Variants in MPEG1 observed in about 807,000 individuals in gnomAD.
MPEG1 encodes the protein macrophage-expressed gene 1 protein.
For synonymous variants in MPEG1, 365 were observed against 351.9 expected (o/e 1.04, Z -0.42); for missense variants, 876 against 880.3 (o/e 1.00, Z 0.06).
rs780717392 is a variant in MPEG1, at chr11:59,211,616, G to A, written c.1250C>T (p.Ser417Phe). Residue 417 changes from serine (S) to phenylalanine (F), a missense_variant, in exon 1 of 1, where the codon TCC (serine) becomes TTC (phenylalanine). Coordinates refer to ENST00000361050, the MANE Select transcript of MPEG1 (RefSeq NM_001039396.2). ...GATCTGGGATAACAGGTGCACCGGG[G>A]AGTAGCCAGAGGGGCAGGAGAAATC... is the stretch of plus-strand genomic sequence containing the variant. ...TGDFSCPSGY[S>F]PVHLLSQIHE... 1 of 1,614,186 alleles carries A rather than the reference G, an allele frequency of 6.2e-7. No homozygotes were observed. The highest frequency in any genetic ancestry group is 1.1e-5 in the South Asian group (1 of 91,084).
In MPEG1 at chr11:59,208,751, C is replaced by T. The variant is rs192721848; in HGVS notation, c.*1964G>A. The T allele has an allele frequency of 5.3e-5, 8 of 152,274 alleles. No homozygotes were observed. The highest frequency in any genetic ancestry group is 2.0e-4 in the Admixed American group (3 of 15,304). 9.4% of individuals were successfully genotyped at this position (152,274 alleles called of 1,614,324 possible). A position where few individuals can be genotyped will look rare whatever the true frequency, so the allele number is the denominator to read the frequency against. ...AGCTCTTCCATCAGGGATCTGACTC[C>T]GCAAAACGACTTGATGAATGCAATT... is the stretch of plus-strand genomic sequence containing the variant. On this transcript the variant is annotated 3_prime_UTR_variant, in exon 1 of 1. Coordinates refer to ENST00000361050, the MANE Select transcript of MPEG1 (RefSeq NM_001039396.2).
Position 59,212,743 on chromosome 11 carries a change from A to C in MPEG1, c.123T>G (p.Pro41=). 6.2e-7 allele frequency: 1 copy of C among 1,614,236 alleles called. No individual in the cohort carries two copies. The highest frequency in any genetic ancestry group is 1.3e-5 in the African/African-American group (1 of 75,054). Residue 41 remains proline (P), a synonymous_variant, in exon 1 of 1, where the codon CCT becomes CCG. Transcript: ENST00000361050. ...VQKCKNALKL[P]VLEVLPGGGW... The stretch of plus-strand genomic sequence containing the variant: ...CCCCTCCAGGTAGGACTTCCAGGAC[A>C]GGTAGTTTCAAGGCATTCTTGCATT...
chr11:59,212,421 G>A lies in MPEG1; in HGVS notation c.445C>T (p.Arg149Ter), dbSNP rs199971720. 4.0e-5 allele frequency: 65 copies of A among 1,605,674 alleles called. No individual in the cohort carries two copies. The East Asian group carries it at 1.0e-3, about 25-fold the overall frequency. The change falls in exon 1 of 1, where the codon CGA becomes TGA. Residue 149 changes from arginine to a stop codon, truncating the protein, a stop_gained. Transcript: ENST00000361050. LOFTEE classifies it low-confidence loss of function (END_TRUNC). Reference protein sequence around the residue: ...LQVKDQAITTRVQVRNLVYTV... With the variant: ...LQVKDQAITT ...TAGACGAGGTTTCTTACCTGAACTC[G>A]GGTAGTTATAGCTTGGTCCTTCACT...
chr11:59,209,906 A>T lies in MPEG1; in HGVS notation c.*809T>A, dbSNP rs1222319720. ...TGTGTGTGTGTGTTCATATAACAGG[A>T]GGACAGGAAAGGTAATGACCATCCA... On this transcript the variant is annotated 3_prime_UTR_variant, in exon 1 of 1. Coordinates refer to ENST00000361050, the MANE Select transcript of MPEG1 (RefSeq NM_001039396.2). 6.7e-6 allele frequency: 1 copy of T among 150,110 alleles called. No individual in the cohort carries two copies. The highest frequency in any genetic ancestry group is 1.5e-5 in the Non-Finnish European group (1 of 67,730). The allele number at this position is 150,110 out of a possible 1,614,324, so 9.3% of individuals were successfully genotyped here.
Position 59,212,750 on chromosome 11 carries a change from T to G in MPEG1, c.116A>C (p.Lys39Thr). 1.9e-6 allele frequency: 3 copies of G among 1,614,202 alleles called. No homozygotes were observed. Among genetic ancestry groups the G allele is most frequent in the Non-Finnish European group, 2.5e-6 (3 of 1,180,040 alleles). Residue 39 changes from lysine (K) to threonine (T), a missense_variant, in exon 1 of 1, where the codon AAA (lysine) becomes ACA (threonine). Transcript: ENST00000361050. The part of the protein sequence containing the change: ...VGVQKCKNAL[K>T]LPVLEVLPGG... ...AGGTAGGACTTCCAGGACAGGTAGT[T>G]TCAAGGCATTCTTGCATTTTTGAAC... is the stretch of plus-strand genomic sequence containing the variant.
Position 59,212,914 on chromosome 11 carries a change from GC to G in MPEG1, c.-50del. ...ACCAGCCCTACACAGCGGCCAGCAA[GC>G]TTTGGGCAAACTAAGATGGAGAAAA... On this transcript the variant is annotated 5_prime_UTR_variant, in exon 1 of 1. Transcript: ENST00000361050. 1 of 1,507,518 alleles carries G rather than the reference GC, an allele frequency of 6.6e-7. No homozygotes were observed. Among genetic ancestry groups the G allele is most frequent in the Non-Finnish European group, 9.1e-7 (1 of 1,102,306 alleles). The allele number at this position is 1,507,518 out of a possible 1,614,324, so 93.4% of individuals were successfully genotyped here.
At position 59,212,333 on chromosome 11, in the gene MPEG1, A is replaced by G; in HGVS notation, c.533T>C (p.Ile178Thr). The change falls in exon 1 of 1, where the codon ATC becomes ACC. Residue 178 changes from isoleucine (I) to threonine (T), a missense_variant. Coordinates refer to ENST00000361050, the MANE Select transcript of MPEG1 (RefSeq NM_001039396.2). ...CTGGTTGTTCTCTAGACGGTCAGAG[A>G]TGTCAAGGAGTTCCTTCCTAAAACC... ...SSGFRKELLDISDRLENNQTR... is the reference protein window; with the variant it reads ...SSGFRKELLDTSDRLENNQTR... 6.2e-7 allele frequency: 1 copy of G among 1,614,064 alleles called. No individual in the cohort carries two copies. The highest frequency in any genetic ancestry group is 1.1e-5 in the South Asian group (1 of 91,074).
rs774802841 is a variant in MPEG1, at chr11:59,210,554, C to G, written c.*161G>C. ...AACTGTTCCCTCTCCCCAATCCCAACCTTATCCATGTAACAGTATGAATTT... is the reference window on the plus strand; with the variant it reads ...AACTGTTCCCTCTCCCCAATCCCAAGCTTATCCATGTAACAGTATGAATTT... On this transcript the variant is annotated 3_prime_UTR_variant, in exon 1 of 1. Transcript: ENST00000361050. 21 of 661,228 alleles carry G rather than the reference C, an allele frequency of 3.2e-5. No individual in the cohort carries two copies. The highest frequency in any genetic ancestry group is 5.2e-5 in the Non-Finnish European group (20 of 386,830). The allele number at this position is 661,228 out of a possible 1,614,324, so 41.0% of individuals were successfully genotyped here.
Position 59,211,502 on chromosome 11 carries a change from AC to A in MPEG1, c.1363del (p.Val455TrpfsTer34), listed in dbSNP as rs769222008. On this transcript the variant is annotated frameshift_variant, in exon 1 of 1. Coordinates refer to ENST00000361050, the MANE Select transcript of MPEG1 (RefSeq NM_001039396.2). LOFTEE classifies it low-confidence loss of function (END_TRUNC). The stretch of plus-strand genomic sequence containing the variant: ...AAAAGCCCTAAATTCAGCTTTTGCC[AC>A]CTGGAACACATCTTCACACACGGTC... ...CKTVCEDVFQ[V>X]AKAEFRAFWC... 1 of 1,614,164 alleles carries A rather than the reference AC, an allele frequency of 6.2e-7. No homozygotes were observed.
chr11:59,212,674 T>A lies in MPEG1; in HGVS notation c.192A>T (p.Glu64Asp). 1 of 1,614,236 alleles carries A rather than the reference T, an allele frequency of 6.2e-7. No homozygotes were observed. The highest frequency in any genetic ancestry group is 8.5e-7 in the Non-Finnish European group (1 of 1,180,034). Reference sequence around the variant, plus strand: ...TTGTCCTGCAGTTGGAGTAAGTCAATTCCATAACTCGTCCCATGTCCACAT... The same window carrying A: ...TTGTCCTGCAGTTGGAGTAAGTCAAATCCATAACTCGTCCCATGTCCACAT... ...LRNVDMGRVM[E>D]LTYSNCRTTE... The change falls in exon 1 of 1, where the codon GAA becomes GAT. Residue 64 changes from glutamate (E) to aspartate (D), a missense_variant. By Grantham distance (45) the Glu-to-Asp change is conservative. Transcript: ENST00000361050.
chr11:59,210,800 GC>G lies in MPEG1; in HGVS notation c.2065del (p.Ala689GlnfsTer45). 2 of 1,614,118 alleles carry G rather than the reference GC, an allele frequency of 1.2e-6. No homozygotes were observed. Among genetic ancestry groups the G allele is most frequent in the Non-Finnish European group, 1.7e-6 (2 of 1,180,028 alleles). On this transcript the variant is annotated frameshift_variant, in exon 1 of 1. Coordinates refer to ENST00000361050, the MANE Select transcript of MPEG1 (RefSeq NM_001039396.2). LOFTEE classifies it low-confidence loss of function (END_TRUNC). ...TRKFKKKAYQ[A>X]IEERQSLVPG... ...AACCAAACTCTGCCTTTCCTCAATT[GC>G]CTGATATGCTTTCTTCTTGAACTTC...
Position 59,212,806 on chromosome 11 carries a change from G to T in MPEG1, c.60C>A (p.Gly20=), listed in dbSNP as rs369998950. Residue 20 remains glycine (G), a synonymous_variant, in exon 1 of 1, where the codon GGC becomes GGA. Transcript: ENST00000361050. ...CTTCGTCCATCTCTCCCGAAGGCTT[G>T]CCTGATTTAGCCCATGCTGCCGCTG... ...FWAAAAWAKS[G]KPSGEMDEVG... 2 of 1,614,202 alleles carry T rather than the reference G, an allele frequency of 1.2e-6. No homozygotes were observed. The highest frequency in any genetic ancestry group is 2.7e-5 in the African/African-American group (2 of 75,046).
Position 59,212,821 on chromosome 11 carries a change from T to C in MPEG1, c.45A>G (p.Ala15=). The C allele has an allele frequency of 6.2e-7, 1 of 1,614,204 alleles. No individual in the cohort carries two copies. Among genetic ancestry groups the C allele is most frequent in the Non-Finnish European group, 8.5e-7 (1 of 1,180,024 alleles). The stretch of plus-strand genomic sequence containing the variant: ...CCGAAGGCTTGCCTGATTTAGCCCA[T>C]GCTGCCGCTGCCCAGAAGAGGATGG... ...RATILFWAAA[A]WAKSGKPSGE... The change falls in exon 1 of 1, where the codon GCA becomes GCG. Residue 15 remains alanine, a synonymous_variant. Coordinates refer to ENST00000361050, the MANE Select transcript of MPEG1 (RefSeq NM_001039396.2).
In MPEG1 at chr11:59,209,843, GGTA is replaced by G. The variant is rs1192367726; in HGVS notation, c.*869_*871del. 3.9e-5 allele frequency: 1 copy of G among 25,424 alleles called. No individual in the cohort carries two copies. Among genetic ancestry groups the G allele is most frequent in the Non-Finnish European group, 9.4e-5 (1 of 10,682 alleles). 1.6% of individuals were successfully genotyped at this position (25,424 alleles called of 1,614,324 possible). A position where few individuals can be genotyped will look rare whatever the true frequency, so the allele number is the denominator to read the frequency against. The stretch of plus-strand genomic sequence containing the variant: ...GAACAATGAAGACTTATTGAAATGT[GGTA>G]TGTGTGTGCGTGTGTGTGTGTGTGT... On this transcript the variant is annotated 3_prime_UTR_variant, in exon 1 of 1. Coordinates refer to ENST00000361050, the MANE Select transcript of MPEG1 (RefSeq NM_001039396.2).
At position 59,211,471 on chromosome 11, in the gene MPEG1, A is replaced by C; in HGVS notation, c.1395T>G (p.Cys465Trp). ...TTTCAGGTACTTGGCTGCTGGCCAC[A>C]CACCAAAAAGCCCTAAATTCAGCTT... is the stretch of plus-strand genomic sequence containing the variant. The part of the protein sequence containing the change: ...VAKAEFRAFW[C>W]VASSQVPENS... Residue 465 changes from cysteine to tryptophan, a missense_variant, in exon 1 of 1, where the codon TGT (cysteine) becomes TGG (tryptophan). Cys to Trp is a radical substitution (Grantham distance 215). Coordinates refer to ENST00000361050, the MANE Select transcript of MPEG1 (RefSeq NM_001039396.2). The C allele has an allele frequency of 6.2e-7, 1 of 1,614,226 alleles. No homozygotes were observed. Among genetic ancestry groups the C allele is most frequent in the Non-Finnish European group, 8.5e-7 (1 of 1,180,050 alleles).
rs1451114599 is a variant in MPEG1 at position 59,211,178 on chromosome 11, T to C, written c.1688A>G (p.Gln563Arg). 2 of 1,614,100 alleles carry C rather than the reference T, an allele frequency of 1.2e-6. No individual in the cohort carries two copies. The highest frequency in any genetic ancestry group is 2.7e-5 in the African/African-American group (2 of 74,934). The change falls in exon 1 of 1, where the codon CAG becomes CGG. Residue 563 changes from glutamine to arginine, a missense_variant. Gln to Arg is a conservative substitution (Grantham distance 43, BLOSUM62 1). Transcript: ENST00000361050. ...SLKKCPGGFS[Q>R]HPALISDGCQ... ...TCCATCGCTGATGAGGGCTGGGTGC[T>C]GGCTGAAGCCCCCGGGGCACTTTTT...
Position 59,212,161 on chromosome 11 carries a change from G to A in MPEG1, c.705C>T (p.Ala235=), listed in dbSNP as rs369015266. 799 of 1,614,134 alleles carry A rather than the reference G, an allele frequency of 5.0e-4. 6 individuals carry two copies. In the African/African-American group the frequency reaches 8.9e-3, roughly 18 times the overall value. Residue 235 remains alanine (A), a synonymous_variant, in exon 1 of 1, where the codon GCC becomes GCT. Coordinates refer to ENST00000361050, the MANE Select transcript of MPEG1 (RefSeq NM_001039396.2). The stretch of plus-strand genomic sequence containing the variant: ...AGGCAAGTCCAGCAGAGGCGGTCAC[G>A]GCACTACGACTGCTCTGGCTGTCTT... ...FLQDSQSSRS[A]VTASAGLAFQ...
chr11:59,211,207 A>G lies in MPEG1; in HGVS notation c.1659T>C (p.Ser553=), dbSNP rs781149150. Residue 553 remains serine, a synonymous_variant, in exon 1 of 1, where the codon TCT becomes TCC. Transcript: ENST00000361050. ...PAISRDLGAP[S]LKKCPGGFSQ... ...TGAAGCCCCCGGGGCACTTTTTCAG[A>G]GACGGTGCCCCTAAATCTCTGGATA... 1.2e-6 allele frequency: 2 copies of G among 1,614,134 alleles called. No individual in the cohort carries two copies. Among genetic ancestry groups the G allele is most frequent in the East Asian group, 2.2e-5 (1 of 44,882 alleles).
rs371473961 is a variant in MPEG1 at position 59,211,222 on chromosome 11, A to G, written c.1644T>C (p.Asp548=). The change falls in exon 1 of 1, where the codon GAT becomes GAC. Residue 548 remains aspartate, a synonymous_variant. Coordinates refer to ENST00000361050, the MANE Select transcript of MPEG1 (RefSeq NM_001039396.2). ...ACTTTTTCAGAGACGGTGCCCCTAA[A>G]TCTCTGGATATAGCAGGATCTACCA... is the stretch of plus-strand genomic sequence containing the variant. ...NPLVDPAISR[D]LGAPSLKKCP... The G allele has an allele frequency of 1.5e-5, 25 of 1,614,116 alleles. No individual in the cohort carries two copies. The African/African-American group carries it at 3.1e-4, about 20-fold the overall frequency.
Sources: allele counts gnomAD v4.1 joint callset, GRCh38; gene constraint gnomAD v4.1.1; transcripts MANE v1.5; gene names NCBI Gene and HGNC (gene_info 2026-07-23, HGNC 2026-07-21).